The following SLC45A3 variants were observed in gnomAD, a reference collection of about 807,000 sequenced individuals.
The protein encoded by SLC45A3 is solute carrier family 45 member 3.
In SLC45A3, 17 loss-of-function variants were observed where a neutral mutation model predicts 35.3. The ratio of observed to expected loss-of-function variants is 0.48; its 90% CI spans 0.33 to 0.72. SLC45A3 has a LOEUF of 0.72. Among genes scored for constraint, SLC45A3 ranks in the 30% least tolerant of loss-of-function variants. The pLI is 0.02. For synonymous variants in SLC45A3, 288 were observed against 334.3 expected (o/e 0.86, Z 1.51); for missense variants, 597 against 731.7 (o/e 0.82, Z 2.12).
intron 1 of SLC45A3, among the ~76,000 whole-genome samples, chr1:205,675,214 T>C (rs760710486): frequency 2.0e-5 from 3 of 152,214 alleles, no homozygotes; most frequent in Non-Finnish European, 4.4e-5. Flanking sequence ...ATGAGGGCCT[T>C]ATGACCTACT....
intron 1 of SLC45A3, among the ~76,000 whole-genome samples, chr1:205,665,532 CA>C (rs1671105137): frequency 6.6e-6 from 1 of 152,146 alleles, no homozygotes; most frequent in South Asian, 2.1e-4. Flanking sequence ...GGGGAAGAAA[CA>C]ATCCCTCACA....
chr1:205,676,227 G>C (rs1671312860), intron 1 of SLC45A3, among the ~76,000 whole-genome samples: 1 of 152,190 alleles, frequency 6.6e-6, no homozygotes, highest in Non-Finnish European at 1.5e-5. Context: ...GTACACTTGA[G>C]ATTAGCGAGG....
chr1:205,662,583 C>T lies in SLC45A3; in HGVS notation c.958+250G>A, dbSNP rs1300980774. On this transcript the variant is annotated intron_variant, in intron 3 of 4. Coordinates refer to ENST00000367145, the MANE Select transcript of SLC45A3 (RefSeq NM_033102.3). This position sits in a 1 kb window ranked among gnomAD's most constrained non-coding sequence, Gnocchi z 6.2. Reference sequence around the variant, plus strand: ...CTCCCTCTAGACTTTGAATAAGCTCCGCCTTTCCTTCTGTCAAACTGGGGC... The same window carrying T: ...CTCCCTCTAGACTTTGAATAAGCTCTGCCTTTCCTTCTGTCAAACTGGGGC... 6.8e-6 allele frequency: 9 copies of T among 1,329,484 alleles called. No homozygotes were observed. The highest frequency in any genetic ancestry group is 3.5e-5 in the Admixed American group (1 of 28,192). 82.4% of individuals were successfully genotyped at this position (1,329,484 alleles called of 1,614,324 possible).
At chr1:205,660,083 C>T (rs1670992253) in intron 4 of SLC45A3, among the ~76,000 whole-genome samples, 1 of 152,124 alleles carries the variant, frequency 6.6e-6, no homozygotes, top group Admixed American at 6.5e-5. Flanking sequence ...CCAAACCCCA[C>T]GCAGGCTCTC....
intron 1 of SLC45A3, among the ~76,000 whole-genome samples, chr1:205,679,685 AACACACACACACACACACACACACACAC>A (rs55762304): frequency 1.4e-5 from 2 of 138,776 alleles, no homozygotes; most frequent in Non-Finnish European, 3.1e-5. Flanking sequence ...GGGACACAGT[AACACACACACACACACACACACACACAC>A]ACACACACAC....
At position 205,662,069 on chromosome 1, in the gene SLC45A3, G is replaced by A. The variant is rs375199838; in HGVS notation, c.1016C>T (p.Ser339Phe). The change falls in exon 4 of 5, where the codon TCT becomes TTT. Residue 339 changes from serine to phenylalanine, a missense_variant. Physicochemically the swap from Ser to Phe is radical, Grantham distance 155 (BLOSUM62 -2). This residue lies in a region of SLC45A3 where 555 missense variants were observed against 664.9 expected (regional missense o/e 0.83). Transcript: ENST00000367145. This position sits in a 1 kb window ranked among gnomAD's most constrained non-coding sequence, Gnocchi z 6.2. ...CTGCACCAGCCGGTCCATGACCAGA[G>A]AGAAGACCAGGGAGATGGCGCACTG... ...FLQCAISLVF[S>F]LVMDRLVQRF... The A allele has an allele frequency of 6.2e-7, 1 of 1,614,158 alleles. No homozygotes were observed. Among genetic ancestry groups the A allele is most frequent in the Non-Finnish European group, 8.5e-7 (1 of 1,180,030 alleles).
chr1:205,679,010 G>C (rs1461754751), intron 1 of SLC45A3, among the ~76,000 whole-genome samples: 2 of 152,096 alleles, frequency 1.3e-5, no homozygotes, highest in African/African-American at 2.4e-5. Flanking sequence ...ACACCAAGGC[G>C]GTCTCTGCTC....
chr1:205,659,376 G>A lies in SLC45A3; in HGVS notation c.1520C>T (p.Ser507Phe). The change falls in exon 5 of 5, where the codon TCC becomes TTC. Residue 507 changes from serine (S) to phenylalanine (F), a missense_variant. Ser to Phe is a radical substitution (Grantham distance 155, BLOSUM62 -2). Transcript: ENST00000367145. The surrounding 1 kb of genome is among the most constrained non-coding windows in gnomAD (Gnocchi z 5.8). ...CTGGACAATGGAGCCCATAAACAGGGATGGGGCCACCTGGGACAGCAGGAA... is the reference window on the plus strand; with the variant it reads ...CTGGACAATGGAGCCCATAAACAGGAATGGGGCCACCTGGGACAGCAGGAA... ...SAFLLSQVAP[S>F]LFMGSIVQLS... is the part of the protein sequence containing the mutation. The A allele has an allele frequency of 6.2e-7, 1 of 1,614,232 alleles. No homozygotes were observed. Among genetic ancestry groups the A allele is most frequent in the Non-Finnish European group, 8.5e-7 (1 of 1,180,042 alleles).
In SLC45A3 at chr1:205,659,472, CCCA is replaced by C; in HGVS notation, c.1421_1423del (p.Val474del). The C allele has an allele frequency of 6.2e-7, 1 of 1,614,028 alleles. No homozygotes were observed. The highest frequency in any genetic ancestry group is 8.5e-7 in the Non-Finnish European group (1 of 1,179,972). ...AACCACCCTGGCCTCGGTGGGCTCA[CCCA>C]CCACCACACGTACGGAGACATCACA... On this transcript the variant is annotated inframe_deletion, in exon 5 of 5. Transcript: ENST00000367145. The surrounding 1 kb of genome is among the most constrained non-coding windows in gnomAD (Gnocchi z 5.8).
intron 1 of SLC45A3, among the ~76,000 whole-genome samples, chr1:205,674,602 CA>C (rs57508315): frequency 0.077 from 7,298 of 95,328 alleles, 326 homozygotes; most frequent in East Asian, 0.29. Flanking sequence ...GATGCTGTTT[CA>C]AAAAAAAAAA....
At chr1:205,660,699 G>C (rs1222461171) in intron 4 of SLC45A3, among the ~76,000 whole-genome samples, 2 of 152,124 alleles carry the variant, frequency 1.3e-5, no homozygotes, top group Admixed American at 1.3e-4. Context: ...GGACAGACAT[G>C]CTCCTCCATC....
chr1:205,666,677 C>T lies in SLC45A3; in HGVS notation c.-230-1791G>A, dbSNP rs532839535. On this transcript the variant is annotated intron_variant, in intron 1 of 4. Transcript: ENST00000367145. The surrounding 1 kb of genome is among the most constrained non-coding windows in gnomAD (Gnocchi z 4.1). ...GACTCACCCTTTGGGATGGGGCACA[C>T]GGCCTCCTACGGAGGTGGCATGAGA... Among the ~76,000 whole-genome samples the T allele has an allele frequency of 6.6e-5, 10 of 152,338 alleles. No homozygotes were observed. The South Asian group carries it at 1.2e-3, about 19-fold the overall frequency.
intron 1 of SLC45A3, among the ~76,000 whole-genome samples, chr1:205,667,797 G>C (rs1671143369): frequency 6.6e-6 from 1 of 152,014 alleles, no homozygotes; most frequent in Non-Finnish European, 1.5e-5. Flanking sequence ...AGGCCCCCCA[G>C]GAATTAGCAG....
chr1:205,662,161 G>GGA lies in SLC45A3; in HGVS notation c.959-37_959-36dup. The stretch of plus-strand genomic sequence containing the variant: ...GAGAGGGGCCATCAGACAGAGCCTG[G>GGA]GAGGGAAGGGTCGGAGCAGTCTCAG... On this transcript the variant is annotated intron_variant, in intron 3 of 4. Coordinates refer to ENST00000367145, the MANE Select transcript of SLC45A3 (RefSeq NM_033102.3). The surrounding 1 kb of genome is among the most constrained non-coding windows in gnomAD (Gnocchi z 6.2). The GGA allele has an allele frequency of 6.3e-7, 1 of 1,595,106 alleles. No individual in the cohort carries two copies. The highest frequency in any genetic ancestry group is 8.6e-7 in the Non-Finnish European group (1 of 1,169,412).
In SLC45A3 at chr1:205,663,555, C is replaced by G; in HGVS notation, c.236G>C (p.Arg79Pro). ...GGGCCGGCGGCGGCCATAGCGTCCA[C>G]GCCAGTGGTCACTGGCTGAGCCTAG... ...PLLGSASDHW[R>P]GRYGRRRPFI... Residue 79 changes from arginine to proline, a missense_variant, in exon 3 of 5, where the codon CGT becomes CCT. Arg to Pro is a moderately radical substitution (Grantham distance 103). This residue lies in a region of SLC45A3 where 555 missense variants were observed against 664.9 expected (regional missense o/e 0.83). Coordinates refer to ENST00000367145, the MANE Select transcript of SLC45A3 (RefSeq NM_033102.3). 1 of 1,612,308 alleles carries G rather than the reference C, an allele frequency of 6.2e-7. No individual in the cohort carries two copies. Among genetic ancestry groups the G allele is most frequent in the Non-Finnish European group, 8.5e-7 (1 of 1,179,842 alleles).
chr1:205,668,850 T>C (rs776004714), intron 1 of SLC45A3, among the ~76,000 whole-genome samples: 4 of 152,104 alleles, frequency 2.6e-5, no homozygotes, highest in Non-Finnish European at 4.4e-5. Context: ...TCTGGGAACC[T>C]TTCTGGAGCT....
At chr1:205,676,780 C>T (rs1671320549) in intron 1 of SLC45A3, among the ~76,000 whole-genome samples, 1 of 152,126 alleles carries the variant, frequency 6.6e-6, no homozygotes. Flanking sequence ...CACCAGCTGC[C>T]CCCCTCCCCA....
At chr1:205,679,926 C>G (rs550375242) in intron 1 of SLC45A3, among the ~76,000 whole-genome samples, 29 of 152,168 alleles carry the variant, frequency 1.9e-4, no homozygotes, top group Admixed American at 5.2e-4. Context: ...TCATCCTGCC[C>G]CTTTCCGGTG....
At chr1:205,670,107 G>A (rs1201461977) in intron 1 of SLC45A3, among the ~76,000 whole-genome samples, 1 of 151,830 alleles carries the variant, frequency 6.6e-6, no homozygotes, top group Non-Finnish European at 1.5e-5. Flanking sequence ...CTCCCCACGA[G>A]CCCCACCCTC....
Sources: allele counts gnomAD v4.1 joint callset (sites outside exome capture counted in the v4.1 genomes callset), GRCh38; gene constraint gnomAD v4.1.1; regional missense constraint gnomAD v4.1.1; non-coding constraint Gnocchi (gnomAD v3.1); transcripts MANE v1.5; gene names NCBI Gene and HGNC (gene_info 2026-07-23, HGNC 2026-07-21).